Variants in DLEC1 observed in about 807,000 individuals in gnomAD.
The protein encoded by DLEC1 is deleted in lung and esophageal cancer protein 1.
DLEC1 carries 146 observed loss-of-function variants against 198.1 expected under a neutral mutation model. That is an observed-to-expected ratio of 0.74 (90% CI 0.64 to 0.85). The LOEUF (loss-of-function observed/expected upper bound fraction) is 0.85. Among genes scored for constraint, DLEC1 ranks in the 40% least tolerant of loss-of-function variants. DLEC1 has a pLI of 0.00. For missense variants in DLEC1, 2,233 were observed against 2,220.0 expected, an observed-to-expected ratio of 1.01 and a Z score of -0.12; for synonymous variants, 897 against 866.8, an observed-to-expected ratio of 1.03 and a Z score of -0.61.
At position 38,085,434 on chromosome 3, in the gene DLEC1, C is replaced by T; in HGVS notation, c.1422C>T (p.Pro474=). Residue 474 remains proline, a synonymous_variant, in exon 8 of 37, where the codon CCC becomes CCT. Transcript: ENST00000308059. Reference sequence around the variant, plus strand: ...TCCCCCTGCAGGCCCGGAGGCCGCCCCCCGTGCTGACATGTGAGTGTGCAC... The same window carrying T: ...TCCCCCTGCAGGCCCGGAGGCCGCCTCCCGTGCTGACATGTGAGTGTGCAC... ...LLIPLQARRP[P]PVLTLSPVLD... is the part of the protein sequence containing the mutation. 6.2e-7 allele frequency: 1 copy of T among 1,613,906 alleles called. No homozygotes were observed. The highest frequency in any genetic ancestry group is 8.5e-7 in the Non-Finnish European group (1 of 1,179,974).
At chr3:38,088,162 C>G in intron 9 of DLEC1, 134 bp from the exon 10 acceptor site, 1 of 747,544 alleles carries the variant, frequency 1.3e-6, no homozygotes. Flanking sequence ...TCAGTTTTTT[C>G]ATTACCATGT....
At chr3:38,078,742 G>A (rs1464538462) in intron 6 of DLEC1, among the ~76,000 whole-genome samples, 1 of 152,196 alleles carries the variant, frequency 6.6e-6, no homozygotes, top group Non-Finnish European at 1.5e-5. Context: ...CAAAGGAATA[G>A]TAAAGAAAGC....
At chr3:38,096,038 G>A (rs1342527199) in intron 14 of DLEC1, 92 bp downstream of exon 14, 31 of 1,481,910 alleles carry the variant, frequency 2.1e-5, no homozygotes, top group Non-Finnish European at 2.8e-5. Context: ...GTGAGGGGGA[G>A]TGGGCAGCCT....
rs750297799 is a variant in DLEC1 at position 38,063,933 on chromosome 3, T to G, written c.1173+14T>G. The stretch of plus-strand genomic sequence containing the variant: ...CCAGTTTATGAGGTAGACATCTTGT[T>G]TCTTTACAGCTCCCACCCCATCTGC... On this transcript the variant is annotated intron_variant, in intron 6 of 36. Transcript: ENST00000308059. The G allele has an allele frequency of 7.0e-6, 11 of 1,582,228 alleles. No homozygotes were observed. In the South Asian group the frequency reaches 1.2e-4, roughly 18 times the overall value.
chr3:38,118,740 G>A (rs1277441332), intron 33 of DLEC1, among the ~76,000 whole-genome samples: 2 of 152,068 alleles, frequency 1.3e-5, no homozygotes, highest in Admixed American at 1.3e-4. Context: ...CTTCTTCTCG[G>A]AGGGCTTCCC....
rs1364650569 is a variant in DLEC1, at chr3:38,086,283, T to C, written c.1478T>C (p.Val493Ala). ...TGTGGTTACTGCCTCATTGGGGGAGTCAAGATGACCAGATTCATCTGCAAA... is the reference window on the plus strand; with the variant it reads ...TGTGGTTACTGCCTCATTGGGGGAGCCAAGATGACCAGATTCATCTGCAAA... ...LDCGYCLIGG[V>A]KMTRFICKNV... is the part of the protein sequence containing the mutation. The change falls in exon 9 of 37, where the codon GTC becomes GCC. Residue 493 changes from valine to alanine, a missense_variant. Transcript: ENST00000308059. 5 of 1,612,148 alleles carry C rather than the reference T, an allele frequency of 3.1e-6. No individual in the cohort carries two copies. In the Admixed American group the frequency reaches 8.4e-5, roughly 27 times the overall value.
At chr3:38,084,560 A>AGTGGTG (rs1698319785) in intron 7 of DLEC1, among the ~76,000 whole-genome samples, 5 of 1,100 alleles carry the variant, frequency 4.5e-3, no homozygotes, top group Admixed American at 0.016. Flanking sequence ...TGGTAGTAGT[A>AGTGGTG]GTGGTAGTAG....
At chr3:38,054,096 C>T (rs1227788181) in intron 2 of DLEC1, among the ~76,000 whole-genome samples, 1 of 152,036 alleles carries the variant, frequency 6.6e-6, no homozygotes, top group African/African-American at 2.4e-5. Flanking sequence ...AACCAGAGAC[C>T]CTTGTTCACT....
chr3:38,060,108 A>C (rs913313501), intron 3 of DLEC1, among the ~76,000 whole-genome samples: 2 of 152,162 alleles, frequency 1.3e-5, no homozygotes, highest in Admixed American at 1.3e-4. Flanking sequence ...CCCAATACCA[A>C]GAATTATGTA....
chr3:38,083,105 G>A (rs556622332), intron 6 of DLEC1, among the ~76,000 whole-genome samples: 2 of 151,740 alleles, frequency 1.3e-5, no homozygotes, highest in Non-Finnish European at 2.9e-5. Flanking sequence ...AAAAGAGGCC[G>A]CTTACCGGAT....
At position 38,045,606 on chromosome 3, in the gene DLEC1, G is replaced by C. The variant is rs778755536; in HGVS notation, c.475G>C (p.Ala159Pro). 1.9e-6 allele frequency: 3 copies of C among 1,614,006 alleles called. No homozygotes were observed. The African/African-American group carries it at 4.0e-5, about 22-fold the overall frequency. ...AATGTTGGAGAGACATATCACTCAG[G>C]CCCAAGCACGGGCTATTGCGGAAAA... Reference protein sequence around the residue: ...FEMLERHITQAQARAIAENER... With the variant: ...FEMLERHITQPQARAIAENER... The change falls in exon 2 of 37, where the codon GCC becomes CCC. Residue 159 changes from alanine to proline, a missense_variant. By Grantham distance (27) the Ala-to-Pro change is conservative. Coordinates refer to ENST00000308059, the MANE Select transcript of DLEC1 (RefSeq NM_007335.4).
At chr3:38,062,392 G>A (rs1284471313) in intron 4 of DLEC1, 24 bp downstream of exon 4, 2 of 1,613,854 alleles carry the variant, frequency 1.2e-6, no homozygotes, top group Admixed American at 3.3e-5. Context: ...GCTGTGCAGA[G>A]CAGTGTTTGG....
chr3:38,053,348 C>T (rs1285581635), intron 2 of DLEC1, among the ~76,000 whole-genome samples: 20 of 149,276 alleles, frequency 1.3e-4, no homozygotes, highest in Non-Finnish European at 1.9e-4. Context: ...AAGTGAGGAG[C>T]GTCTCTGCCC....
intron 6 of DLEC1, among the ~76,000 whole-genome samples, chr3:38,078,916 AT>A (rs1292441280): frequency 1.3e-5 from 2 of 152,190 alleles, no homozygotes; most frequent in African/African-American, 4.8e-5. Flanking sequence ...GACAGGTAAA[AT>A]GGAGGAATTG....
chr3:38,066,582 C>G (rs938801654), intron 6 of DLEC1, among the ~76,000 whole-genome samples: 3 of 152,210 alleles, frequency 2.0e-5, no homozygotes, highest in South Asian at 4.1e-4. Flanking sequence ...TTTTTCCCAG[C>G]TTCTTTCTTT....
intron 10 of DLEC1, among the ~76,000 whole-genome samples, chr3:38,091,863 G>A (rs1025168160): frequency 5.9e-5 from 9 of 152,154 alleles, no homozygotes; most frequent in African/African-American, 1.2e-4. Flanking sequence ...AAGTGTTGGC[G>A]AGGATGTAGA....
rs1698451530 is a variant in DLEC1, at chr3:38,086,300, A to G, written c.1495A>G (p.Ile499Val). 6 of 1,613,038 alleles carry G rather than the reference A, an allele frequency of 3.7e-6. No individual in the cohort carries two copies. Among genetic ancestry groups the G allele is most frequent in the South Asian group, 1.1e-5 (1 of 90,796 alleles). Residue 499 changes from isoleucine (I) to valine (V), a missense_variant, in exon 9 of 37, where the codon ATC (isoleucine) becomes GTC (valine). Coordinates refer to ENST00000308059, the MANE Select transcript of DLEC1 (RefSeq NM_007335.4). Reference protein sequence around the residue: ...LIGGVKMTRFICKNVGFSVGR... With the variant: ...LIGGVKMTRFVCKNVGFSVGR... ...TGGGGGAGTCAAGATGACCAGATTCATCTGCAAAAATGTGGGTTTCAGTGT... is the reference window on the plus strand; with the variant it reads ...TGGGGGAGTCAAGATGACCAGATTCGTCTGCAAAAATGTGGGTTTCAGTGT...
At chr3:38,091,820 G>A (rs771817339) in intron 10 of DLEC1, among the ~76,000 whole-genome samples, 11 of 152,102 alleles carry the variant, frequency 7.2e-5, no homozygotes, top group African/African-American at 1.2e-4. Context: ...CCTGACACCC[G>A]TTAGAATGGC....
At chr3:38,039,712 T>G in intron 1 of DLEC1, 76 bp downstream of exon 1, 1 of 1,499,484 alleles carries the variant, frequency 6.7e-7, no homozygotes, top group Non-Finnish European at 8.9e-7. Context: ...ACCTGCCAGG[T>G]GCCAGGCGCT....
Sources: allele counts gnomAD v4.1 joint callset (sites outside exome capture counted in the v4.1 genomes callset), GRCh38; gene constraint gnomAD v4.1.1; transcripts MANE v1.5; gene names NCBI Gene and HGNC (gene_info 2026-07-23, HGNC 2026-07-21).